MAP3K13: variants seen among roughly 807,000 people sequenced by gnomAD.
MAP3K13 encodes leucine zipper-bearing kinase.
In MAP3K13, 52 loss-of-function variants were observed where a neutral mutation model predicts 104.0. The ratio of observed to expected loss-of-function variants is 0.50; its 90% CI spans 0.40 to 0.63. The LOEUF is 0.63. Among genes scored for constraint, MAP3K13 ranks in the 20% least tolerant of loss-of-function variants. MAP3K13 has a pLI of 0.00. For missense variants in MAP3K13, 914 were observed against 1,218.5 expected, an observed-to-expected ratio of 0.75 and a Z score of 3.72; for synonymous variants, 394 against 442.2, an observed-to-expected ratio of 0.89 and a Z score of 1.37.
intron 1 of MAP3K13, among the ~76,000 whole-genome samples, chr3:185,387,518 A>G (rs1711766655): frequency 6.6e-6 from 1 of 152,166 alleles, no homozygotes; most frequent in South Asian, 2.1e-4. Flanking sequence ...TAAAAAATAA[A>G]TTACCCAGCC....
At chr3:185,311,537 G>T (rs572871680) in intron 2 of MAP3K13, among the ~76,000 whole-genome samples, 1 of 152,150 alleles carries the variant, frequency 6.6e-6, no homozygotes, top group South Asian at 2.1e-4. Context: ...GTAATCTCAT[G>T]TGTCTACCAT....
chr3:185,450,979 A>T lies in MAP3K13; in HGVS notation c.1170-308A>T, dbSNP rs1715849323. Among the ~76,000 whole-genome samples, 1 of 152,138 alleles carries T rather than the reference A, an allele frequency of 6.6e-6. No homozygotes were observed. The highest frequency in any genetic ancestry group is 2.1e-4 in the South Asian group (1 of 4,824). ...GTGGCGGGTGCCTGTAGTCCCAGCT[A>T]CTCAGGAGGCTGAGGCAGGAGAATG... On this transcript the variant is annotated intron_variant, in intron 6 of 13. Transcript: ENST00000265026. This position sits in a 1 kb window ranked among gnomAD's most constrained non-coding sequence, Gnocchi z 4.2.
chr3:185,344,637 C>T (rs888855541), intron 2 of MAP3K13, among the ~76,000 whole-genome samples: 2 of 152,180 alleles, frequency 1.3e-5, no homozygotes, highest in Non-Finnish European at 2.9e-5. Context: ...TCTGACTATG[C>T]CCAACACAGA....
At chr3:185,344,106 T>C (rs997644126) in intron 2 of MAP3K13, among the ~76,000 whole-genome samples, 1 of 152,260 alleles carries the variant, frequency 6.6e-6, no homozygotes, top group Non-Finnish European at 1.5e-5. Context: ...CTTTGCTAGA[T>C]GCTACCCAAT....
chr3:185,402,683 C>G (rs1157551555), intron 1 of MAP3K13, among the ~76,000 whole-genome samples: 1 of 152,128 alleles, frequency 6.6e-6, no homozygotes, highest in Admixed American at 6.5e-5. Context: ...GTAATTTAAT[C>G]CTGGGCGCTG....
intron 10 of MAP3K13, among the ~76,000 whole-genome samples, chr3:185,472,447 G>A (rs570538473): frequency 2.0e-5 from 3 of 151,960 alleles, no homozygotes; most frequent in African/African-American, 4.8e-5. Flanking sequence ...TCTTGACCTC[G>A]TGATCCACCC....
At chr3:185,350,054 A>T (rs1271827036) in intron 2 of MAP3K13, among the ~76,000 whole-genome samples, 1 of 152,240 alleles carries the variant, frequency 6.6e-6, no homozygotes, top group African/African-American at 2.4e-5. Flanking sequence ...TTTTTATAAG[A>T]ATTTAAAATA....
At chr3:185,345,620 G>A (rs759400494) in intron 2 of MAP3K13, among the ~76,000 whole-genome samples, 18 of 152,080 alleles carry the variant, frequency 1.2e-4, no homozygotes, top group Non-Finnish European at 2.2e-4. Context: ...TCTTGATTGC[G>A]TGCCCTTTAT....
intron 2 of MAP3K13, among the ~76,000 whole-genome samples, chr3:185,336,170 C>T (rs923669074): frequency 6.6e-6 from 1 of 152,048 alleles, no homozygotes; most frequent in African/African-American, 2.4e-5. Flanking sequence ...CAGAATTTGA[C>T]CCAAGGCCCA....
At chr3:185,290,017 G>A (rs1021207183) in intron 2 of MAP3K13, among the ~76,000 whole-genome samples, 2 of 152,072 alleles carry the variant, frequency 1.3e-5, no homozygotes, top group African/African-American at 2.4e-5. Context: ...TTCCTCAACT[G>A]TAAAAAGGAA....
chr3:185,352,681 T>G (rs906757681), intron 2 of MAP3K13, among the ~76,000 whole-genome samples: 1 of 152,246 alleles, frequency 6.6e-6, no homozygotes, highest in African/African-American at 2.4e-5. Flanking sequence ...ATATGTTATC[T>G]TGAACATAGA....
chr3:185,304,167 G>A (rs758941296), intron 2 of MAP3K13, among the ~76,000 whole-genome samples: 6 of 152,202 alleles, frequency 3.9e-5, no homozygotes, highest in Admixed American at 3.3e-4. Context: ...GTTTCCTTGT[G>A]ATTGGAAAAG....
intron 2 of MAP3K13, among the ~76,000 whole-genome samples, chr3:185,325,084 T>C (rs1054741314): frequency 6.6e-6 from 1 of 152,236 alleles, no homozygotes; most frequent in Non-Finnish European, 1.5e-5. Flanking sequence ...TCAATGTTTA[T>C]TTACTAATAA....
At chr3:185,468,177 G>T (rs910561343) in intron 10 of MAP3K13, among the ~76,000 whole-genome samples, 4 of 152,082 alleles carry the variant, frequency 2.6e-5, no homozygotes, top group Admixed American at 2.6e-4. Flanking sequence ...TTTGGGTGGG[G>T]ACGTAGACTC....
At chr3:185,294,317 C>T (rs1475846020) in intron 2 of MAP3K13, among the ~76,000 whole-genome samples, 4 of 152,058 alleles carry the variant, frequency 2.6e-5, no homozygotes, top group East Asian at 1.9e-4. Flanking sequence ...TTATAGTGTC[C>T]GTGAACAATA....
intron 3 of MAP3K13, among the ~76,000 whole-genome samples, chr3:185,442,722 C>T (rs566645334): frequency 4.6e-4 from 70 of 151,984 alleles, no homozygotes; most frequent in Non-Finnish European, 7.8e-4. Flanking sequence ...TTAGTAGAGA[C>T]GCGGTTTCAC....
At chr3:185,426,641 C>T (rs1714438098) in intron 1 of MAP3K13, among the ~76,000 whole-genome samples, 1 of 152,166 alleles carries the variant, frequency 6.6e-6, no homozygotes, top group South Asian at 2.1e-4. Context: ...TCTGCATGCA[C>T]TTATATATAG....
upstream of MAP3K13, among the ~76,000 whole-genome samples, chr3:185,359,482 G>C (rs112092450): frequency 3.3e-5 from 5 of 152,230 alleles, no homozygotes; most frequent in Admixed American, 3.3e-4. Context: ...TCCTGGATCT[G>C]CACAGTTGTT....
At chr3:185,457,139 T>C (rs55800606) in intron 7 of MAP3K13, among the ~76,000 whole-genome samples, 4 of 16,508 alleles carry the variant, frequency 2.4e-4, no homozygotes, top group Non-Finnish European at 1.6e-3. Context: ...GTTGCCACAG[T>C]CGGGTTCCTC....
Sources: gnomAD v4.1 joint callset for allele counts (sites outside exome capture counted in the v4.1 genomes callset) on GRCh38, gnomAD v4.1.1 for gene constraint, Gnocchi (gnomAD v3.1) non-coding constraint, MANE v1.5 for transcripts, NCBI Gene and HGNC (gene_info 2026-07-23, HGNC 2026-07-21) for gene names.